The following WWOX variants were observed in gnomAD, a reference collection of about 807,000 sequenced individuals.
WWOX encodes WW domain containing oxidoreductase.
A neutral mutation model predicts 46.2 loss-of-function variants in WWOX; 69 were observed. That is an observed-to-expected ratio of 1.49 (90% CI 1.23 to 1.82). The LOEUF (loss-of-function observed/expected upper bound fraction) is 1.82, where lower values mean the gene tolerates loss of function less well. Ranked by LOEUF, WWOX falls within the 40% of genes most tolerant of loss-of-function variation. WWOX has a pLI of 0.00. For missense variants in WWOX, 919 were observed against 542.6 expected, an observed-to-expected ratio of 1.69 and a Z score of -6.89; for synonymous variants, 359 against 202.6, an observed-to-expected ratio of 1.77 and a Z score of -6.56.
intron 8 of WWOX, among the ~76,000 whole-genome samples, chr16:78,792,834 G>A (rs1597618083): frequency 6.6e-6 from 1 of 152,090 alleles, no homozygotes; most frequent in East Asian, 1.9e-4. Context: ...ATTGTCCACA[G>A]CTCTGCTCTC....
intron 8 of WWOX, among the ~76,000 whole-genome samples, chr16:78,706,324 A>C (rs1419326454): frequency 6.6e-6 from 1 of 152,038 alleles, no homozygotes; most frequent in Non-Finnish European, 1.5e-5. Flanking sequence ...ATTTCTTTCC[A>C]GAGCCAGGCT....
intron 8 of WWOX, among the ~76,000 whole-genome samples, chr16:78,847,257 G>A (rs936420687): frequency 1.3e-5 from 2 of 152,088 alleles, no homozygotes; most frequent in African/African-American, 4.8e-5. Flanking sequence ...TCTCAACAGA[G>A]TTTAGAAATA....
At chr16:79,133,605 A>T (rs1000231023) in intron 8 of WWOX, among the ~76,000 whole-genome samples, 1 of 152,138 alleles carries the variant, frequency 6.6e-6, no homozygotes, top group Non-Finnish European at 1.5e-5. Flanking sequence ...CTTTTTGAAG[A>T]TGTAGAATGT....
At chr16:78,449,523 A>G (rs1205374782) in intron 8 of WWOX, among the ~76,000 whole-genome samples, 1 of 152,004 alleles carries the variant, frequency 6.6e-6, no homozygotes, top group Non-Finnish European at 1.5e-5. Context: ...GGACTTGATG[A>G]TTTTTCTTGA....
At chr16:78,187,168 G>A (rs1405104545) in intron 5 of WWOX, among the ~76,000 whole-genome samples, 1 of 152,182 alleles carries the variant, frequency 6.6e-6, no homozygotes, top group Non-Finnish European at 1.5e-5. Context: ...GAGGGTAATT[G>A]TCTTAGGCAA....
At chr16:78,926,511 G>A (rs1420222378) in intron 8 of WWOX, among the ~76,000 whole-genome samples, 1 of 152,196 alleles carries the variant, frequency 6.6e-6, no homozygotes, top group African/African-American at 2.4e-5. Flanking sequence ...GGAGGAGCAG[G>A]ATGGCGAAGT....
At chr16:78,263,738 A>G (rs1049437428) in intron 5 of WWOX, among the ~76,000 whole-genome samples, 1 of 152,198 alleles carries the variant, frequency 6.6e-6, no homozygotes, top group African/African-American at 2.4e-5. Context: ...CCTGAGCCAG[A>G]ACTTCCCAGA....
At chr16:78,190,056 A>C (rs900238492) in intron 5 of WWOX, among the ~76,000 whole-genome samples, 2 of 152,186 alleles carry the variant, frequency 1.3e-5, no homozygotes, top group African/African-American at 4.8e-5. Context: ...ACTTGGTATT[A>C]ATAGCTCCAT....
At chr16:78,167,168 C>T (rs2035001498) in intron 5 of WWOX, 1 of 152,138 alleles carries the variant, frequency 6.6e-6, no homozygotes, top group South Asian at 2.1e-4. Flanking sequence ...TATATGAGAA[C>T]ACATTCATCT....
intron 5 of WWOX, among the ~76,000 whole-genome samples, chr16:78,375,680 T>A (rs980424274): frequency 2.6e-4 from 40 of 152,124 alleles, no homozygotes; most frequent in African/African-American, 9.2e-4. Flanking sequence ...AATGTGGGTA[T>A]CTCTTGACCT....
At chr16:78,581,282 G>T (rs765749887) in intron 8 of WWOX, among the ~76,000 whole-genome samples, 1 of 152,164 alleles carries the variant, frequency 6.6e-6, no homozygotes, top group Admixed American at 6.5e-5. Flanking sequence ...TGTGGCTATT[G>T]TATTCATTGG....
intron 8 of WWOX, among the ~76,000 whole-genome samples, chr16:79,012,120 G>A (rs745901567): frequency 6.6e-6 from 1 of 152,160 alleles, no homozygotes; most frequent in African/African-American, 2.4e-5. Context: ...CTCGGCCCGC[G>A]CTGTCCAATA....
intron 8 of WWOX, among the ~76,000 whole-genome samples, chr16:79,022,344 C>T (rs1272710041): frequency 1.4e-5 from 1 of 71,218 alleles, no homozygotes; most frequent in Non-Finnish European, 2.8e-5. Context: ...CAATCTGTGG[C>T]AAAAAAAAAA....
chr16:78,918,336 C>G (rs776582860), intron 8 of WWOX, among the ~76,000 whole-genome samples: 1 of 152,202 alleles, frequency 6.6e-6, no homozygotes, highest in Non-Finnish European at 1.5e-5. Context: ...CTGTTTCTCT[C>G]TTCCTTTTCC....
At chr16:79,129,105 TTGCAAACAACGGTAG>T (rs1417201863) in intron 8 of WWOX, among the ~76,000 whole-genome samples, 2 of 152,108 alleles carry the variant, frequency 1.3e-5, no homozygotes, top group Non-Finnish European at 2.9e-5. Flanking sequence ...ATAGGAATGC[TTGCAAACAACGGTAG>T]TTATAAAATG....
chr16:78,426,851 A>G (rs1399730076), intron 7 of WWOX, among the ~76,000 whole-genome samples: 2 of 152,022 alleles, frequency 1.3e-5, no homozygotes, highest in Non-Finnish European at 2.9e-5. Flanking sequence ...TTTAGTAGAG[A>G]CGGGGTTTCA....
At chr16:78,990,831 A>T (rs2046873429) in intron 8 of WWOX, among the ~76,000 whole-genome samples, 1 of 152,174 alleles carries the variant, frequency 6.6e-6, no homozygotes, top group South Asian at 2.1e-4. Flanking sequence ...TTCTGGACTG[A>T]ATTTGTCTCT....
intron 5 of WWOX, among the ~76,000 whole-genome samples, chr16:78,291,628 AGGTTTCAATCTGTGG>A (rs1191647484): frequency 6.6e-6 from 1 of 152,184 alleles, no homozygotes; most frequent in Non-Finnish European, 1.5e-5. Flanking sequence ...TTGGATCCCC[AGGTTTCAATCTGTGG>A]GCTAACGTTT....
intron 8 of WWOX, among the ~76,000 whole-genome samples, chr16:78,706,386 A>G (rs1187660154): frequency 1.3e-5 from 2 of 152,076 alleles, no homozygotes; most frequent in African/African-American, 4.8e-5. Flanking sequence ...TGCCTTCTCC[A>G]GGAATCTCTC....
Sources: gnomAD v4.1 joint callset for allele counts (sites outside exome capture counted in the v4.1 genomes callset) on GRCh38, gnomAD v4.1.1 for gene constraint, MANE v1.5 for transcripts, NCBI Gene and HGNC (gene_info 2026-07-23, HGNC 2026-07-21) for gene names.